Variants in UBAP2 observed in about 807,000 individuals in gnomAD.
UBAP2 encodes ubiquitin-associated protein 2.
UBAP2 carries 75 observed loss-of-function variants against 139.6 expected under a neutral mutation model. The observed-to-expected ratio is 0.54, with a 90% CI of 0.45 to 0.65. UBAP2 has a LOEUF of 0.65. Among genes scored for constraint, UBAP2 ranks in the 30% least tolerant of loss-of-function variants. The probability of loss-of-function intolerance (pLI) is 0.00; values close to 1 mark genes in which losing one functional copy is unlikely to be tolerated. For missense variants in UBAP2, 1,368 were observed against 1,369.6 expected (o/e 1.00, Z 0.02); for synonymous variants, 526 against 526.2 (o/e 1.00, Z 0.01).
intron 8 of UBAP2, among the ~76,000 whole-genome samples, chr9:33,964,819 TA>T (rs1306116608): frequency 1.3e-5 from 2 of 152,198 alleles, no homozygotes; most frequent in Non-Finnish European, 2.9e-5. Context: ...TCCACTTTTA[TA>T]AAAATCTAAG....
chr9:33,931,225 G>A (rs1433834234), intron 19 of UBAP2, among the ~76,000 whole-genome samples: 1 of 152,148 alleles, frequency 6.6e-6, no homozygotes, highest in Non-Finnish European at 1.5e-5. Context: ...GGTTCCACAG[G>A]GGCAACTGTG....
rs1822954990 is a variant in UBAP2, at chr9:33,922,305, CCA to C, written c.*197_*198del. The C allele has an allele frequency of 1.7e-6, 1 of 595,608 alleles. No homozygotes were observed. The highest frequency in any genetic ancestry group is 1.9e-5 in the African/African-American group (1 of 53,528). 36.9% of individuals were successfully genotyped at this position (595,608 alleles called of 1,614,324 possible). A position where few individuals can be genotyped will look rare whatever the true frequency, so the allele number is the denominator to read the frequency against. On this transcript the variant is annotated 3_prime_UTR_variant, in exon 29 of 29. Transcript: ENST00000379238. ...TCTGCCGCCATCCCCCAACTCCCCCCCAGACTTCTATCACATTTACAAATACA... is the reference window on the plus strand; with the variant it reads ...TCTGCCGCCATCCCCCAACTCCCCCCGACTTCTATCACATTTACAAATACA...
chr9:33,967,998 G>T, intron 8 of UBAP2: 1 of 306,436 alleles, frequency 3.3e-6, no homozygotes, highest in Non-Finnish European at 6.5e-6. Flanking sequence ...CACAACAGTG[G>T]ATTGGTACAG....
At chr9:33,981,226 G>GAT (rs1217356369) in intron 6 of UBAP2, among the ~76,000 whole-genome samples, 7 of 21,788 alleles carry the variant, frequency 3.2e-4, no homozygotes, top group African/African-American at 1.5e-3. Context: ...ATATATTCTG[G>GAT]ATATATATAT....
chr9:33,980,286 G>A (rs1379694838), intron 6 of UBAP2, among the ~76,000 whole-genome samples: 1 of 115,238 alleles, frequency 8.7e-6, no homozygotes, highest in African/African-American at 3.3e-5. Context: ...AGGCTGGAGT[G>A]CAGTGGCGTG....
chr9:34,023,460 A>G (rs1474955440), intron 1 of UBAP2, among the ~76,000 whole-genome samples: 2 of 152,206 alleles, frequency 1.3e-5, no homozygotes, highest in East Asian at 1.9e-4. Context: ...GAAGAAAACC[A>G]TAACTCTTTG....
intron 6 of UBAP2, among the ~76,000 whole-genome samples, chr9:33,980,099 G>GA (rs1372660361): frequency 1.3e-5 from 2 of 151,516 alleles, no homozygotes; most frequent in African/African-American, 2.4e-5. Flanking sequence ...CTGTATCATG[G>GA]AATCAAATCT....
At chr9:33,986,121 C>T (rs1260740163) in intron 6 of UBAP2, among the ~76,000 whole-genome samples, 2 of 151,708 alleles carry the variant, frequency 1.3e-5, no homozygotes, top group African/African-American at 4.8e-5. Flanking sequence ...GAGGAGATCT[C>T]GGCTCACTGC....
Position 33,996,229 on chromosome 9 carries a change from T to G in UBAP2, c.282A>C (p.Ser94=), listed in dbSNP as rs142506888. 19 of 1,608,348 alleles carry G rather than the reference T, an allele frequency of 1.2e-5. No individual in the cohort carries two copies. The highest frequency in any genetic ancestry group is 1.6e-5 in the Non-Finnish European group (19 of 1,175,598). The change falls in exon 4 of 29, where the codon TCA becomes TCC. Residue 94 remains serine (S), a synonymous_variant. Transcript: ENST00000379238. ...KAINILLEGN[S]DTTSWETVGC... ...ATCAATTAATAATACTTACTGTGTC[T>G]GAATTCCCTTCCAGCAATATATTGA... is the stretch of plus-strand genomic sequence containing the variant.
At chr9:33,936,879 G>A (rs1251535273) in intron 16 of UBAP2, among the ~76,000 whole-genome samples, 4 of 129,156 alleles carry the variant, frequency 3.1e-5, no homozygotes, top group Admixed American at 9.9e-5. Flanking sequence ...AACTGCTTGC[G>A]CCCAGGAGTT....
chr9:34,045,018 T>C (rs1554694446), intron 1 of UBAP2, among the ~76,000 whole-genome samples: 1 of 151,798 alleles, frequency 6.6e-6, no homozygotes, highest in African/African-American at 2.4e-5. Context: ...AAATTAGTTA[T>C]CAAAAAATGG....
At chr9:34,016,223 A>AAGG (rs1261993520) in intron 2 of UBAP2, among the ~76,000 whole-genome samples, 1 of 112,876 alleles carries the variant, frequency 8.9e-6, no homozygotes, top group South Asian at 3.0e-4. Context: ...GAGGAAGAGG[A>AAGG]GGAGGAAGAG....
chr9:33,993,918 C>G (rs956760077), intron 4 of UBAP2, among the ~76,000 whole-genome samples: 2 of 135,702 alleles, frequency 1.5e-5, no homozygotes, highest in Non-Finnish European at 3.2e-5. Flanking sequence ...TTTTTGAGAC[C>G]GAGTCTCGCA....
intron 16 of UBAP2, among the ~76,000 whole-genome samples, chr9:33,938,467 C>T (rs1587526449): frequency 2.0e-5 from 3 of 152,058 alleles, no homozygotes; most frequent in East Asian, 1.9e-4. Flanking sequence ...AAATGTTACA[C>T]GATAAGCTTC....
At chr9:33,975,817 A>G (rs919444455) in intron 6 of UBAP2, among the ~76,000 whole-genome samples, 37 of 152,084 alleles carry the variant, frequency 2.4e-4, no homozygotes, top group African/African-American at 8.0e-4. Flanking sequence ...AAAAAAAAAA[A>G]AAGTAAAATG....
At chr9:33,991,165 A>G (rs1821678125) in intron 4 of UBAP2, among the ~76,000 whole-genome samples, 1 of 152,132 alleles carries the variant, frequency 6.6e-6, no homozygotes, top group African/African-American at 2.4e-5. Context: ...AGGCACCTGT[A>G]ATCCCAGCTA....
At position 33,939,189 on chromosome 9, in the gene UBAP2, C is replaced by CTTTTTT. The variant is rs72150705; in HGVS notation, c.1929+2454_1929+2459dup. Among the ~76,000 whole-genome samples, 652 of 78,606 alleles carry CTTTTTT rather than the reference C, an allele frequency of 8.3e-3. 5 individuals carry two copies. Among genetic ancestry groups the CTTTTTT allele is most frequent in the Non-Finnish European group, 0.012 (538 of 43,498 alleles). The allele number at this position is 78,606 out of a possible 152,430, so 51.6% of individuals were successfully genotyped here. A position where few individuals can be genotyped will look rare whatever the true frequency, so the allele number is the denominator to read the frequency against. Reference sequence around the variant, plus strand: ...AATAACATTATTTGATTTCCTATGTCTTTTTTTTTTTTTTTTTTTTTTGAG... The same window carrying CTTTTTT: ...AATAACATTATTTGATTTCCTATGTCTTTTTTTTTTTTTTTTTTTTTTTTTTTTGAG... On this transcript the variant is annotated intron_variant, in intron 16 of 28. Transcript: ENST00000379238.
intron 8 of UBAP2, chr9:33,968,325 G>A: frequency 1.7e-6 from 1 of 586,700 alleles, no homozygotes; most frequent in Non-Finnish European, 3.4e-6. Flanking sequence ...TGATGCCCAT[G>A]TTCATCGGTC....
chr9:33,951,448 G>A (rs964439593), intron 12 of UBAP2, among the ~76,000 whole-genome samples: 1 of 145,738 alleles, frequency 6.9e-6, no homozygotes, highest in Non-Finnish European at 1.5e-5. Flanking sequence ...CCGGGTTCAA[G>A]TGATTCTCTT....
Sources: allele counts gnomAD v4.1 joint callset (sites outside exome capture counted in the v4.1 genomes callset), GRCh38; gene constraint gnomAD v4.1.1; transcripts MANE v1.5; gene names NCBI Gene and HGNC (gene_info 2026-07-23, HGNC 2026-07-21).